UQCRQ: variants seen among roughly 807,000 people sequenced by gnomAD.
The protein encoded by UQCRQ is ubiquinol-cytochrome c reductase complex III subunit VII.
UQCRQ carries 9 observed loss-of-function variants against 7.9 expected under a neutral mutation model. The observed-to-expected ratio is 1.13, with a 90% confidence interval of 0.68 to 1.98. The LOEUF is 1.98. Ranked by LOEUF, UQCRQ falls within the 30% of genes most tolerant of loss-of-function variation. UQCRQ has a pLI of 0.00. For synonymous variants in UQCRQ, 50 were observed against 41.9 expected (o/e 1.19, Z -0.75); for missense variants, 112 against 109.7 (o/e 1.02, Z -0.10).
Position 132,867,522 on chromosome 5 carries a change from G to A in UQCRQ, c.189G>A (p.Gly63=), listed in dbSNP as rs1759667421. ...TGTTTTATCTTATCTACACATGGGG[G>A]ACTGAAGAGTTCGAGAGATCCAAGA... is the stretch of plus-strand genomic sequence containing the variant. ...FVVFYLIYTW[G]TEEFERSKRK... The change falls in exon 3 of 3, where the codon GGG becomes GGA. Residue 63 remains glycine (G), a synonymous_variant. Coordinates refer to ENST00000378670, the MANE Select transcript of UQCRQ (RefSeq NM_014402.5). 6.2e-7 allele frequency: 1 copy of A among 1,614,084 alleles called. No individual in the cohort carries two copies. Among genetic ancestry groups the A allele is most frequent in the Non-Finnish European group, 8.5e-7 (1 of 1,179,992 alleles).
rs1299583155 is a variant in UQCRQ, at chr5:132,866,727, C to T, written c.-14+40C>T. Reference sequence around the variant, plus strand: ...TCTGGTTGTGCAGTGTTCGTGGACCCTGGGAGGCTAGGGGCGCCCCGCTGG... The same window carrying T: ...TCTGGTTGTGCAGTGTTCGTGGACCTTGGGAGGCTAGGGGCGCCCCGCTGG... On this transcript the variant is annotated intron_variant, in intron 1 of 2. Coordinates refer to ENST00000378670, the MANE Select transcript of UQCRQ (RefSeq NM_014402.5). The T allele has an allele frequency of 3.9e-6, 4 of 1,020,170 alleles. No individual in the cohort carries two copies. The Admixed American group carries it at 6.6e-5, about 17-fold the overall frequency. The allele number at this position is 1,020,170 out of a possible 1,614,324, so 63.2% of individuals were successfully genotyped here.
intron 2 of UQCRQ, 179 bp from the exon 3 acceptor site, chr5:132,867,309 C>T (rs1454302860): frequency 4.2e-6 from 3 of 708,492 alleles, no homozygotes; most frequent in Non-Finnish European, 7.2e-6. Context: ...TTAGTTCTTA[C>T]CAGTGGTGAA....
chr5:132,867,391 A>C (rs905286946), intron 2 of UQCRQ, 97 bp from the exon 3 acceptor site: 1 of 927,634 alleles, frequency 1.1e-6, no homozygotes, highest in African/African-American at 1.6e-5. Flanking sequence ...GAACTACTGA[A>C]GTGTATGCTT....
chr5:132,866,760 A>C, intron 1 of UQCRQ, 73 bp downstream of exon 1: 2 of 1,402,432 alleles, frequency 1.4e-6, no homozygotes, highest in Non-Finnish European at 9.7e-7. Context: ...TGGGCTGGGA[A>C]AGGATAAGGA....
Position 132,867,483 on chromosome 5 carries a change from T to G in UQCRQ, c.155-5T>G, listed in dbSNP as rs1759665565. The G allele has an allele frequency of 6.2e-7, 1 of 1,611,916 alleles. No homozygotes were observed. The highest frequency in any genetic ancestry group is 1.1e-5 in the South Asian group (1 of 91,040). On this transcript the variant is annotated splice_region_variant and splice_polypyrimidine_tract_variant and intron_variant, in intron 2 of 2. Coordinates refer to ENST00000378670, the MANE Select transcript of UQCRQ (RefSeq NM_014402.5). ...GCTCTCTGTTTACTCTCTTAATTTT[T>G]AAAGAGTTTGTAGTGTTTTATCTTA... is the stretch of plus-strand genomic sequence containing the variant.
At position 132,866,707 on chromosome 5, in the gene UQCRQ, T is replaced by TGTGCAGTGTTAGTGGGGTCTGGC. The variant is rs1561468659; in HGVS notation, c.-14+20_-14+21insGTGCAGTGTTAGTGGGGTCTGGC. ...AGCCCTGTGCGTGAGTGGGGTCTGG[T>TGTGCAGTGTTAGTGGGGTCTGGC]TGTGCAGTGTTCGTGGACCCTGGGA... On this transcript the variant is annotated intron_variant, in intron 1 of 2. Transcript: ENST00000378670. 3 of 748,448 alleles carry TGTGCAGTGTTAGTGGGGTCTGGC rather than the reference T, an allele frequency of 4.0e-6. No homozygotes were observed. The highest frequency in any genetic ancestry group is 6.5e-6 in the Non-Finnish European group (3 of 460,988). 46.4% of individuals were successfully genotyped at this position (748,448 alleles called of 1,614,324 possible).
At chr5:132,866,827 C>G in intron 1 of UQCRQ, 42 bp from the exon 2 acceptor site, 3 of 1,604,984 alleles carry the variant, frequency 1.9e-6, no homozygotes, top group Non-Finnish European at 2.5e-6. Context: ...TGCGGCGCTT[C>G]GCGAAAGCGA....
Position 132,867,603 on chromosome 5 carries a change from T to A in UQCRQ, c.*21T>A. On this transcript the variant is annotated 3_prime_UTR_variant, in exon 3 of 3. Coordinates refer to ENST00000378670, the MANE Select transcript of UQCRQ (RefSeq NM_014402.5). ...AATGAGCAACGCATCCGGATGACGG[T>A]TCCCTGTCTCTGAAAGACCTTTCTC... is the stretch of plus-strand genomic sequence containing the variant. 6.2e-7 allele frequency: 1 copy of A among 1,602,274 alleles called. No individual in the cohort carries two copies. The highest frequency in any genetic ancestry group is 8.5e-7 in the Non-Finnish European group (1 of 1,169,626).
In UQCRQ at chr5:132,868,706, C is replaced by T. The variant is rs567493238; in HGVS notation, c.*1124C>T. Among the ~76,000 whole-genome samples, 2 of 152,220 alleles carry T rather than the reference C, an allele frequency of 1.3e-5. No homozygotes were observed. Among genetic ancestry groups the T allele is most frequent in the African/African-American group, 4.8e-5 (2 of 41,548 alleles). ...GCCTGAGGGGATATCAGCTATAAAA[C>T]GGATGAGGTGATCTCTTAGCCTCCA... is the stretch of plus-strand genomic sequence containing the variant. On this transcript the variant is annotated 3_prime_UTR_variant, in exon 3 of 3. Coordinates refer to ENST00000378670, the MANE Select transcript of UQCRQ (RefSeq NM_014402.5).
Position 132,866,844 on chromosome 5 carries a change from C to T in UQCRQ, c.-13-25C>T. On this transcript the variant is annotated intron_variant, in intron 1 of 2. Transcript: ENST00000378670. ...CGGCGCTTCGCGAAAGCGAGCCAAG[C>T]GCCTGTCCACCCTCGGTCCTGCAGG... is the stretch of plus-strand genomic sequence containing the variant. 8 of 1,609,958 alleles carry T rather than the reference C, an allele frequency of 5.0e-6. No individual in the cohort carries two copies. The South Asian group carries it at 7.7e-5, about 15-fold the overall frequency.
At position 132,866,961 on chromosome 5, in the gene UQCRQ, A is replaced by G. The variant is rs1419244999; in HGVS notation, c.80A>G (p.Tyr27Cys). ...TTGTCACCGTTCGAGCAGCGCGCCT[A>G]TCCGCACGTCTTCACTAAAGGAATC... ...YSLSPFEQRA[Y>C]PHVFTKGIPN... The change falls in exon 2 of 3, where the codon TAT becomes TGT. Residue 27 changes from tyrosine to cysteine, a missense_variant. Coordinates refer to ENST00000378670, the MANE Select transcript of UQCRQ (RefSeq NM_014402.5). 3.1e-6 allele frequency: 5 copies of G among 1,614,102 alleles called. No homozygotes were observed. The highest frequency in any genetic ancestry group is 3.4e-6 in the Non-Finnish European group (4 of 1,179,972).
In UQCRQ at chr5:132,867,004, C is replaced by T. The variant is rs770977546; in HGVS notation, c.123C>T (p.Arg41=). The change falls in exon 2 of 3, where the codon CGC becomes CGT. Residue 41 remains arginine, a synonymous_variant. Transcript: ENST00000378670. The stretch of plus-strand genomic sequence containing the variant: ...AAGGAATCCCCAATGTTCTGCGCCG[C>T]ATTCGGGAGTCTTTCTTTCGCGTGG... ...FTKGIPNVLR[R]IRESFFRVVP... 6.2e-7 allele frequency: 1 copy of T among 1,614,056 alleles called. No homozygotes were observed. The highest frequency in any genetic ancestry group is 1.1e-5 in the South Asian group (1 of 91,088).
rs915287250 is a variant in UQCRQ at position 132,868,134 on chromosome 5, C to T, written c.*552C>T. The T allele has an allele frequency of 5.0e-5, 8 of 159,730 alleles. No homozygotes were observed. Among genetic ancestry groups the T allele is most frequent in the Admixed American group, 3.6e-4 (6 of 16,690 alleles). The allele number at this position is 159,730 out of a possible 1,614,324, so 9.9% of individuals were successfully genotyped here. A position where few individuals can be genotyped will look rare whatever the true frequency, so the allele number is the denominator to read the frequency against. ...AGCTGGGATTACAGGTGCAGGACAC[C>T]ACACCTGGCTAATTTTTTGTATTTT... On this transcript the variant is annotated 3_prime_UTR_variant, in exon 3 of 3. Transcript: ENST00000378670.
At chr5:132,867,175 C>T in intron 2 of UQCRQ, 140 bp downstream of exon 2, 1 of 1,158,030 alleles carries the variant, frequency 8.6e-7, no homozygotes, top group Non-Finnish European at 1.2e-6. Context: ...ATATTCCTGA[C>T]CGCCCTTAAG....
chr5:132,867,839 C>T lies in UQCRQ; in HGVS notation c.*257C>T. On this transcript the variant is annotated 3_prime_UTR_variant, in exon 3 of 3. Transcript: ENST00000378670. ...GGCTCCCCCTTTGTTCCATTATCTA[C>T]AAGAAAGTAGCTGCAGGTACTCCTG... The T allele has an allele frequency of 2.0e-6, 1 of 499,422 alleles. No homozygotes were observed. Among genetic ancestry groups the T allele is most frequent in the Non-Finnish European group, 3.6e-6 (1 of 275,210 alleles). The allele number at this position is 499,422 out of a possible 1,614,324, so 30.9% of individuals were successfully genotyped here.
intron 1 of UQCRQ, 76 bp from the exon 2 acceptor site, chr5:132,866,793 T>C: frequency 6.4e-6 from 10 of 1,566,790 alleles, no homozygotes; most frequent in Non-Finnish European, 8.6e-6. Context: ...GAGTCTGGGG[T>C]TGGGGATGGA....
chr5:132,867,323 C>T, intron 2 of UQCRQ, 165 bp from the exon 3 acceptor site: 2 of 725,178 alleles, frequency 2.8e-6, no homozygotes, highest in South Asian at 1.7e-5. Flanking sequence ...TGGTGAAATG[C>T]TTTGTGTTAA....
At position 132,867,006 on chromosome 5, in the gene UQCRQ, T is replaced by G. The variant is rs1276094794; in HGVS notation, c.125T>G (p.Ile42Ser). ...TKGIPNVLRRIRESFFRVVPQ... is the reference protein window; with the variant it reads ...TKGIPNVLRRSRESFFRVVPQ... ...GGAATCCCCAATGTTCTGCGCCGCA[T>G]TCGGGAGTCTTTCTTTCGCGTGGTG... is the stretch of plus-strand genomic sequence containing the variant. The change falls in exon 2 of 3, where the codon ATT becomes AGT. Residue 42 changes from isoleucine to serine, a missense_variant. Ile to Ser is a moderately radical substitution (Grantham distance 142). Transcript: ENST00000378670. 1 of 1,614,000 alleles carries G rather than the reference T, an allele frequency of 6.2e-7. No homozygotes were observed. Among genetic ancestry groups the G allele is most frequent in the Admixed American group, 1.7e-5 (1 of 60,032 alleles).
At position 132,866,908 on chromosome 5, in the gene UQCRQ, G is replaced by C. The variant is rs774533198; in HGVS notation, c.27G>C (p.Thr9=). MGREFGNL[T]RMRHVISYSL... ...TGGGCCGCGAGTTTGGGAATCTGAC[G>C]CGGATGCGGCATGTGATCAGCTACA... The change falls in exon 2 of 3, where the codon ACG becomes ACC. Residue 9 remains threonine, a synonymous_variant. Transcript: ENST00000378670. 3 of 1,614,032 alleles carry C rather than the reference G, an allele frequency of 1.9e-6. No homozygotes were observed. The highest frequency in any genetic ancestry group is 1.1e-5 in the South Asian group (1 of 91,088).
Sources: gnomAD v4.1 joint callset for allele counts (sites outside exome capture counted in the v4.1 genomes callset) on GRCh38, gnomAD v4.1.1 for gene constraint, MANE v1.5 for transcripts, NCBI Gene and HGNC (gene_info 2026-07-23, HGNC 2026-07-21) for gene names.